MYH14: variants seen among roughly 807,000 people sequenced by gnomAD.
The protein encoded by MYH14 is myosin-14.
A neutral mutation model predicts 255.5 loss-of-function variants in MYH14; 123 were observed. The ratio of observed to expected loss-of-function variants is 0.48; its 90% CI spans 0.42 to 0.56. The LOEUF is 0.56. Among genes scored for constraint, MYH14 ranks in the 20% least tolerant of loss-of-function variants. The pLI, the probability that MYH14 is intolerant of heterozygous loss-of-function variation, is 0.00. For synonymous variants in MYH14, 1,095 were observed against 1,161.2 expected (o/e 0.94, Z 1.16); for missense variants, 2,423 against 2,802.3 (o/e 0.86, Z 3.06).
intron 11 of MYH14, among the ~76,000 whole-genome samples, chr19:50,245,982 C>T (rs1211533180): frequency 1.9e-5 from 2 of 104,534 alleles, no homozygotes; most frequent in Admixed American, 3.1e-4. Context: ...CTCCTTCCTT[C>T]CTTCTTTTAG....
intron 2 of MYH14, among the ~76,000 whole-genome samples, chr19:50,214,655 C>G (rs1181473907): frequency 2.0e-5 from 3 of 152,154 alleles, no homozygotes; most frequent in Non-Finnish European, 4.4e-5. Context: ...CTCAAAAATG[C>G]TGCATCTGAA....
chr19:50,263,407 G>T lies in MYH14; in HGVS notation c.2681G>T (p.Arg894Leu). 2 of 1,601,024 alleles carry T rather than the reference G, an allele frequency of 1.2e-6. No individual in the cohort carries two copies. The highest frequency in any genetic ancestry group is 3.4e-5 in the Admixed American group (2 of 58,124). The change falls in exon 22 of 43, where the codon CGG becomes CTG. Residue 894 changes from arginine to leucine, a missense_variant. Physicochemically the swap from Arg to Leu is moderately radical, Grantham distance 102. Transcript: ENST00000642316. ...YLKLRHWQWW[R>L]LFTKVKPLLQ... ...AAGCTGAGACACTGGCAGTGGTGGC[G>T]GCTGTTTACCAAGGTGAGGGCAGCC...
intron 21 of MYH14, among the ~76,000 whole-genome samples, chr19:50,262,029 A>C (rs185160894): frequency 6.6e-6 from 1 of 152,224 alleles, no homozygotes; most frequent in Non-Finnish European, 1.5e-5. Flanking sequence ...TTCCATGGGC[A>C]TAGAGTCCCA....
chr19:50,258,332 CA>C (rs905754737), intron 18 of MYH14: 28 of 152,284 alleles, frequency 1.8e-4, no homozygotes, highest in African/African-American at 6.0e-4. Context: ...GTTTAATTAC[CA>C]GTCTTTTTCC....
intron 10 of MYH14, among the ~76,000 whole-genome samples, chr19:50,237,989 G>A (rs892051089): frequency 2.0e-5 from 3 of 152,170 alleles, no homozygotes; most frequent in African/African-American, 7.2e-5. Flanking sequence ...AGAGAGAGAG[G>A]TGGACACCTC....
At position 50,266,605 on chromosome 19, in the gene MYH14, C is replaced by G. The variant is rs1017414454; in HGVS notation, c.2695-272C>G. Among the ~76,000 whole-genome samples, 1 of 152,108 alleles carries G rather than the reference C, an allele frequency of 6.6e-6. No individual in the cohort carries two copies. The highest frequency in any genetic ancestry group is 1.5e-5 in the Non-Finnish European group (1 of 68,022). On this transcript the variant is annotated intron_variant, in intron 22 of 42. Coordinates refer to ENST00000642316, the MANE Select transcript of MYH14 (RefSeq NM_001145809.2). The surrounding 1 kb of genome is among the most constrained non-coding windows in gnomAD (Gnocchi z 4.1). ...AAAAAGGAAGGAAGGAAGGACTGTT[C>G]CACAGAATAGCAGCAGCCACAGTAC... is the stretch of plus-strand genomic sequence containing the variant.
chr19:50,207,249 GAGAGAGAAAGAGAGAGAGAGAC>G (rs1478575108), intron 1 of MYH14, among the ~76,000 whole-genome samples: 1 of 126,522 alleles, frequency 7.9e-6, no homozygotes, highest in East Asian at 3.0e-4. Context: ...GAGAGAGAGA[GAGAGAGAAAGAGAGAGAGAGAC>G]AGAGAGAGAG....
intron 5 of MYH14, 122 bp from the exon 6 acceptor site, chr19:50,224,032 T>TGGCCCCCCCCCCC: frequency 3.3e-6 from 2 of 610,322 alleles, no homozygotes; most frequent in Non-Finnish European, 6.1e-6. Context: ...ATGCCCGGTT[T>TGGCCCCCCCCCCC]CCCCAGTCCC....
chr19:50,246,205 T>C (rs2034118800), intron 11 of MYH14, among the ~76,000 whole-genome samples: 1 of 148,990 alleles, frequency 6.7e-6, no homozygotes, highest in Non-Finnish European at 1.5e-5. Flanking sequence ...AGTGGCACCA[T>C]CTCAGCTCAC....
chr19:50,267,620 C>CAAA (rs1353734016), intron 23 of MYH14, among the ~76,000 whole-genome samples: 55 of 93,074 alleles, frequency 5.9e-4, no homozygotes, highest in African/African-American at 2.3e-3. Context: ...GACTCTGTCT[C>CAAA]AAAAATAATA....
At chr19:50,257,946 G>A (rs759686902) in intron 18 of MYH14, among the ~76,000 whole-genome samples, 1 of 152,154 alleles carries the variant, frequency 6.6e-6, no homozygotes, top group East Asian at 1.9e-4. Flanking sequence ...TTGTACAAAG[G>A]CCCAATGGTA....
intron 16 of MYH14, 67 bp from the exon 17 acceptor site, chr19:50,255,153 C>T (rs780970892): frequency 1.0e-6 from 1 of 1,004,764 alleles, no homozygotes; most frequent in Non-Finnish European, 1.5e-6. Context: ...TCTTTTCATG[C>T]ATCTCTCTCC....
intron 1 of MYH14, among the ~76,000 whole-genome samples, chr19:50,207,782 C>G (rs1329318160): frequency 6.6e-6 from 1 of 152,188 alleles, no homozygotes; most frequent in African/African-American, 2.4e-5. Flanking sequence ...CCACCCTGGG[C>G]TCATATCTTA....
At chr19:50,216,302 C>T (rs1214211664) in intron 2 of MYH14, among the ~76,000 whole-genome samples, 1 of 151,850 alleles carries the variant, frequency 6.6e-6, no homozygotes, top group African/African-American at 2.4e-5. Context: ...TAGAGAGACC[C>T]TGTGTCTACA....
In MYH14 at chr19:50,301,822, T is replaced by G. The variant is rs1354841206; in HGVS notation, c.5631T>G (p.Leu1877=). 2 of 1,613,814 alleles carry G rather than the reference T, an allele frequency of 1.2e-6. No homozygotes were observed. The highest frequency in any genetic ancestry group is 3.3e-4 in the Middle Eastern group (2 of 6,062). ...GCCACAAGATGACCATTGCTGCCCTTGAGTCTAAGTTGGCCCAGGCTGAGG... is the reference window on the plus strand; with the variant it reads ...GCCACAAGATGACCATTGCTGCCCTGGAGTCTAAGTTGGCCCAGGCTGAGG... ...RARHKMTIAA[L]ESKLAQAEEQ... Residue 1877 remains leucine, a synonymous_variant, in exon 40 of 43, where the codon CTT becomes CTG. Transcript: ENST00000642316.
chr19:50,290,046 C>A (rs1015370830), intron 35 of MYH14, among the ~76,000 whole-genome samples: 2 of 152,080 alleles, frequency 1.3e-5, no homozygotes, highest in African/African-American at 4.8e-5. Flanking sequence ...ATCTGCCACC[C>A]CATCTATTCA....
chr19:50,294,775 T>G (rs1243036491), intron 39 of MYH14, among the ~76,000 whole-genome samples: 1 of 151,960 alleles, frequency 6.6e-6, no homozygotes. Flanking sequence ...AACAGTTATG[T>G]GTAGTAAGAC....
At chr19:50,308,530 T>G (rs1479840267) in intron 41 of MYH14, 1 of 154,780 alleles carries the variant, frequency 6.5e-6, no homozygotes, top group African/African-American at 2.4e-5. Flanking sequence ...ATAGGAAGGC[T>G]GAACGATAAG....
rs553818416 is a variant in MYH14 at position 50,242,114 on chromosome 19, G to A, written c.1115-2128G>A. Among the ~76,000 whole-genome samples, 227 of 152,294 alleles carry A rather than the reference G, an allele frequency of 1.5e-3. 2 individuals carry two copies. The highest frequency in any genetic ancestry group is 4.7e-3 in the Admixed American group (72 of 15,298). ...GCCATGTGGGCTGTAGAAACCGTCC[G>A]CATCCAAGTGGACTGCCTAGTCCTG... On this transcript the variant is annotated intron_variant, in intron 10 of 42. Transcript: ENST00000642316.
Sources: gnomAD v4.1 joint callset for allele counts (sites outside exome capture counted in the v4.1 genomes callset) on GRCh38, gnomAD v4.1.1 for gene constraint, Gnocchi (gnomAD v3.1) non-coding constraint, MANE v1.5 for transcripts, NCBI Gene and HGNC (gene_info 2026-07-23, HGNC 2026-07-21) for gene names.